The following PTPRD variants were observed in gnomAD, a reference collection of about 807,000 sequenced individuals.
PTPRD encodes protein tyrosine phosphatase receptor type D, also known as receptor-type tyrosine-protein phosphatase delta.
A neutral mutation model predicts 214.5 loss-of-function variants in PTPRD; 34 were observed. That is an observed-to-expected ratio of 0.16 (90% confidence interval 0.12 to 0.21). The LOEUF is 0.21. PTPRD is among the 10% of genes least tolerant of loss of function. PTPRD has a pLI of 1.00. For synonymous variants in PTPRD, 1,128 were observed against 845.7 expected, an observed-to-expected ratio of 1.33 and a Z score of -5.79; for missense variants, 2,545 against 2,398.7, an observed-to-expected ratio of 1.06 and a Z score of -1.27.
chr9:8,969,283 C>T (rs2099221293), intron 11 of PTPRD, among the ~76,000 whole-genome samples: 1 of 152,026 alleles, frequency 6.6e-6, no homozygotes, highest in Non-Finnish European at 1.5e-5. Flanking sequence ...ATGTTATAGA[C>T]TGAGACAACC....
chr9:9,199,834 A>G (rs1331506399), intron 9 of PTPRD, among the ~76,000 whole-genome samples: 1 of 152,066 alleles, frequency 6.6e-6, no homozygotes, highest in African/African-American at 2.4e-5. Flanking sequence ...CTGAAATCTT[A>G]TTTACAAAAA....
intron 8 of PTPRD, among the ~76,000 whole-genome samples, chr9:9,423,654 A>C (rs1377854522): frequency 6.6e-6 from 1 of 152,208 alleles, no homozygotes; most frequent in Non-Finnish European, 1.5e-5. Flanking sequence ...ATGGCAACAG[A>C]GATAACTGCA....
intron 11 of PTPRD, among the ~76,000 whole-genome samples, chr9:8,979,013 G>A (rs2099289020): frequency 6.6e-6 from 1 of 152,004 alleles, no homozygotes; most frequent in Non-Finnish European, 1.5e-5. Context: ...ACTTTAAAGA[G>A]TCTTGTGAAG....
chr9:10,586,015 G>A (rs538000445), intron 2 of PTPRD, among the ~76,000 whole-genome samples: 3 of 152,106 alleles, frequency 2.0e-5, no homozygotes, highest in African/African-American at 7.2e-5. Context: ...TCTAAATGTT[G>A]TATGAGAAAT....
At chr9:10,468,125 A>T (rs1218205909) in intron 2 of PTPRD, among the ~76,000 whole-genome samples, 1 of 152,210 alleles carries the variant, frequency 6.6e-6, no homozygotes, top group Non-Finnish European at 1.5e-5. Context: ...CAGAAATACC[A>T]TTTGACCCAG....
chr9:10,607,670 T>A (rs1435081759), intron 2 of PTPRD, among the ~76,000 whole-genome samples: 2 of 151,898 alleles, frequency 1.3e-5, no homozygotes, highest in Non-Finnish European at 2.9e-5. Flanking sequence ...AAACAATTGG[T>A]CATATTGATT....
At chr9:8,730,524 T>C (rs1229324601) in intron 12 of PTPRD, among the ~76,000 whole-genome samples, 3 of 152,256 alleles carry the variant, frequency 2.0e-5, no homozygotes, top group Admixed American at 6.5e-5. Flanking sequence ...AGGTCTAGAA[T>C]GTAACAGTAT....
chr9:10,227,601 C>T lies in PTPRD; in HGVS notation c.-545+113362G>A, dbSNP rs992601497. Among the ~76,000 whole-genome samples the T allele has an allele frequency of 6.6e-5, 10 of 151,962 alleles. 1 individual carries two copies. Among genetic ancestry groups the T allele is most frequent in the Middle Eastern group, 3.4e-3 (1 of 294 alleles). ...ATCCTCCTCAATGATGCCTTGAGTC[C>T]TGGGTGCATTTTTCATCCATCCTTA... On this transcript the variant is annotated intron_variant, in intron 3 of 45. Coordinates refer to ENST00000381196, the MANE Select transcript of PTPRD (RefSeq NM_002839.4).
At chr9:10,107,323 G>A (rs572688340) in intron 3 of PTPRD, among the ~76,000 whole-genome samples, 2 of 152,026 alleles carry the variant, frequency 1.3e-5, no homozygotes, top group Admixed American at 1.3e-4. Flanking sequence ...GGAAGAGGAG[G>A]CGCCAACAAA....
intron 3 of PTPRD, among the ~76,000 whole-genome samples, chr9:10,335,374 A>G (rs1459000162): frequency 6.6e-6 from 1 of 151,794 alleles, no homozygotes; most frequent in African/African-American, 2.4e-5. Flanking sequence ...TGGTACAAAT[A>G]GACATTACTA....
intron 2 of PTPRD, among the ~76,000 whole-genome samples, chr9:10,365,900 A>G (rs2097506013): frequency 6.6e-6 from 1 of 152,216 alleles, no homozygotes; most frequent in Non-Finnish European, 1.5e-5. Context: ...AATTATATTA[A>G]TAGTTTCATA....
At chr9:8,734,018 C>A (rs1269308925) in intron 11 of PTPRD, 72 bp from the exon 12 acceptor site, 2 of 628,014 alleles carry the variant, frequency 3.2e-6, no homozygotes, top group Non-Finnish European at 5.6e-6. Flanking sequence ...CTCTTTCCCC[C>A]CTGGTTCCAT....
At chr9:8,631,194 CAT>C (rs1369983235) in intron 14 of PTPRD, among the ~76,000 whole-genome samples, 3 of 151,882 alleles carry the variant, frequency 2.0e-5, no homozygotes, top group African/African-American at 7.2e-5. Context: ...CACATATAAA[CAT>C]AGTCTCTAAG....
chr9:9,246,991 A>AT (rs2099973337), intron 9 of PTPRD, among the ~76,000 whole-genome samples: 1 of 90,174 alleles, frequency 1.1e-5, no homozygotes. Context: ...CTTGCCACTC[A>AT]TTTTCCCCGA....
rs2097820766 is a variant in PTPRD at position 8,518,173 on chromosome 9, T to C, written c.1218A>G (p.Glu406=). 1.2e-6 allele frequency: 2 copies of C among 1,614,170 alleles called. No homozygotes were observed. ...GCTCTGAGGTTTGTGTTAGCACAGG[T>C]TCGCTGGGAGGCCCCCGCCCAATGT... is the stretch of plus-strand genomic sequence containing the variant. ...VNNIGRGPPS[E]PVLTQTSEQA... The change falls in exon 21 of 46, where the codon GAA becomes GAG. Residue 406 remains glutamate, a synonymous_variant. Coordinates refer to ENST00000381196, the MANE Select transcript of PTPRD (RefSeq NM_002839.4).
At chr9:9,043,909 T>TAAAAA (rs1241030677) in intron 10 of PTPRD, among the ~76,000 whole-genome samples, 2 of 2,738 alleles carry the variant, frequency 7.3e-4, no homozygotes, top group East Asian at 0.2. Flanking sequence ...GTCTCAAAAA[T>TAAAAA]AAAATAAAAT....
At chr9:8,597,140 T>C (rs1297271965) in intron 14 of PTPRD, among the ~76,000 whole-genome samples, 10 of 152,140 alleles carry the variant, frequency 6.6e-5, no homozygotes, top group Admixed American at 6.5e-4. Flanking sequence ...TTTTCATTTA[T>C]TCCCAAAGTG....
chr9:9,399,477 C>T (rs1169031067), intron 8 of PTPRD, among the ~76,000 whole-genome samples: 1 of 151,994 alleles, frequency 6.6e-6, no homozygotes, highest in Non-Finnish European at 1.5e-5. Flanking sequence ...TTAAAATGTG[C>T]TGGTAAGTCT....
intron 2 of PTPRD, among the ~76,000 whole-genome samples, chr9:10,456,234 G>A (rs1173994289): frequency 6.6e-6 from 1 of 151,702 alleles, no homozygotes; most frequent in Non-Finnish European, 1.5e-5. Context: ...AAATTAAATG[G>A]GTATAGTTTT....
Sources: allele counts gnomAD v4.1 joint callset (sites outside exome capture counted in the v4.1 genomes callset), GRCh38; gene constraint gnomAD v4.1.1; transcripts MANE v1.5; gene names NCBI Gene and HGNC (gene_info 2026-07-23, HGNC 2026-07-21).